SPEF2: variants seen among roughly 807,000 people sequenced by gnomAD.
SPEF2 encodes sperm flagellar and cilia associated 2, also known as sperm flagella and cilia-associated protein 2.
A neutral mutation model predicts 224.6 loss-of-function variants in SPEF2; 187 were observed. That is an observed-to-expected ratio of 0.83 (90% CI 0.74 to 0.94). The LOEUF (loss-of-function observed/expected upper bound fraction) is 0.94, where lower values mean the gene tolerates loss of function less well. Among genes scored for constraint, SPEF2 ranks in the 40% least tolerant of loss-of-function variants. The pLI is 0.00. For missense variants in SPEF2, 2,170 were observed against 2,135.6 expected (o/e 1.02, Z -0.32); for synonymous variants, 715 against 707.3 (o/e 1.01, Z -0.17).
At chr5:35,764,595 G>A (rs988301068) in intron 26 of SPEF2, 4 of 455,998 alleles carry the variant, frequency 8.8e-6, no homozygotes, top group African/African-American at 8.0e-5. Context: ...AGCCTTCTTC[G>A]AGTTTCCATG....
chr5:35,768,777 C>A (rs753968010), intron 26 of SPEF2, among the ~76,000 whole-genome samples: 13 of 152,018 alleles, frequency 8.6e-5, no homozygotes, highest in Non-Finnish European at 1.6e-4. Context: ...CTTAAGGCAA[C>A]TTTGAATTTC....
At chr5:35,773,785 A>C in intron 27 of SPEF2, 108 bp from the exon 28 acceptor site, 1 of 1,272,712 alleles carries the variant, frequency 7.9e-7, no homozygotes, top group Non-Finnish European at 1.0e-6. Flanking sequence ...CCGAATCACT[A>C]GAGGTTTATA....
At chr5:35,710,009 T>G in intron 19 of SPEF2, 1 of 980,704 alleles carries the variant, frequency 1.0e-6, no homozygotes. Context: ...AAATTAAACT[T>G]ATTCATATTA....
chr5:35,629,013 T>G (rs1744680323), intron 2 of SPEF2, among the ~76,000 whole-genome samples: 1 of 152,110 alleles, frequency 6.6e-6, no homozygotes, highest in African/African-American at 2.4e-5. Context: ...GATATGGAAA[T>G]TGTTCCTTTC....
At chr5:35,725,895 TCC>T (rs1323321591) in intron 20 of SPEF2, among the ~76,000 whole-genome samples, 2 of 152,174 alleles carry the variant, frequency 1.3e-5, no homozygotes, top group African/African-American at 4.8e-5. Context: ...CATATGCTAA[TCC>T]ATAGATTATT....
intron 19 of SPEF2, 99 bp downstream of exon 19, chr5:35,709,220 A>G (rs1394746700): frequency 3.2e-6 from 5 of 1,542,034 alleles, no homozygotes; most frequent in South Asian, 1.3e-5. Flanking sequence ...ACTTTGGGCA[A>G]CTTCAATCAT....
chr5:35,779,385 G>A (rs1754018521), intron 30 of SPEF2, 39 bp downstream of exon 30: 1 of 1,502,684 alleles, frequency 6.7e-7, no homozygotes, highest in Non-Finnish European at 9.1e-7. Flanking sequence ...CACAAAAAAA[G>A]GTTAAGATTA....
chr5:35,657,732 A>G (rs1240118854), intron 7 of SPEF2, among the ~76,000 whole-genome samples: 2 of 152,154 alleles, frequency 1.3e-5, no homozygotes. Flanking sequence ...AAGTGTATTC[A>G]AACTGGGAAC....
At chr5:35,692,423 C>G in intron 11 of SPEF2, 147 bp from the exon 12 acceptor site, 1 of 645,762 alleles carries the variant, frequency 1.5e-6, no homozygotes, top group Non-Finnish European at 2.6e-6. Flanking sequence ...ACAAAACAAA[C>G]CAAACAAAAC....
intron 21 of SPEF2, among the ~76,000 whole-genome samples, chr5:35,728,905 A>T (rs73086208): frequency 0.018 from 2,703 of 152,124 alleles, 87 homozygotes; most frequent in African/African-American, 0.062. Flanking sequence ...AAAACTTACC[A>T]TAGAAGCAAG....
chr5:35,675,830 G>A (rs1751922854), intron 10 of SPEF2: 3 of 441,360 alleles, frequency 6.8e-6, no homozygotes, highest in Non-Finnish European at 9.2e-6. Context: ...CCCTAGGTCC[G>A]TGGTTACCAA....
chr5:35,697,993 T>G, intron 15 of SPEF2, 200 bp downstream of exon 15: 1 of 414,588 alleles, frequency 2.4e-6, no homozygotes, highest in South Asian at 3.7e-5. Context: ...ATACCAAGCT[T>G]GACTTCTTTT....
At chr5:35,671,325 A>C in intron 10 of SPEF2, 1 of 956,976 alleles carries the variant, frequency 1.0e-6, no homozygotes, top group South Asian at 4.8e-5. Context: ...ATATGAGATT[A>C]TGAGAAATTA....
intron 28 of SPEF2, 139 bp downstream of exon 28, chr5:35,774,160 AGTTGACTGTTTTC>A: frequency 8.3e-7 from 1 of 1,207,848 alleles, no homozygotes; most frequent in Non-Finnish European, 1.1e-6. Context: ...CACAATATTC[AGTTGACTGTTTTC>A]GTTTGACCAC....
At chr5:35,629,817 C>T (rs1744828544) in intron 2 of SPEF2, among the ~76,000 whole-genome samples, 1 of 152,198 alleles carries the variant, frequency 6.6e-6, no homozygotes, top group South Asian at 2.1e-4. Flanking sequence ...TTGTGACTGG[C>T]TTCTTCACTT....
In SPEF2 at chr5:35,776,260, T is replaced by A; in HGVS notation, c.4082T>A (p.Ile1361Lys). The A allele has an allele frequency of 6.2e-7, 1 of 1,603,706 alleles. No homozygotes were observed. Among genetic ancestry groups the A allele is most frequent in the Admixed American group, 1.8e-5 (1 of 56,400 alleles). The change falls in exon 29 of 37, where the codon ATA becomes AAA. Residue 1361 changes from isoleucine to lysine, a missense_variant. Transcript: ENST00000356031. ...EHLAALQFEEIATQFRLELIK... is the reference protein window; with the variant it reads ...EHLAALQFEEKATQFRLELIK... The stretch of plus-strand genomic sequence containing the variant: ...TCTTATTTCTCTTTGCAAATAGAAA[T>A]AGCCACGCAATTTCGACTTGAACTG...
chr5:35,711,544 C>T (rs1473038396), intron 19 of SPEF2, among the ~76,000 whole-genome samples: 1 of 151,970 alleles, frequency 6.6e-6, no homozygotes. Flanking sequence ...AATAATACTA[C>T]CTATACTTCT....
intron 23 of SPEF2, among the ~76,000 whole-genome samples, chr5:35,741,356 G>C (rs1747609052): frequency 6.6e-6 from 1 of 152,202 alleles, no homozygotes; most frequent in Non-Finnish European, 1.5e-5. Context: ...TAAATATTTG[G>C]AGAAAGGGTG....
Position 35,763,726 on chromosome 5 carries a change from C to A in SPEF2, c.3801+24C>A, listed in dbSNP as rs749699129. The A allele has an allele frequency of 1.9e-6, 3 of 1,581,920 alleles. No homozygotes were observed. In the African/African-American group the frequency reaches 4.1e-5, roughly 22 times the overall value. On this transcript the variant is annotated intron_variant, in intron 26 of 36. Coordinates refer to ENST00000356031, the MANE Select transcript of SPEF2 (RefSeq NM_024867.4). ...TGGTAAGCAGTGCTCGTTATATTTT[C>A]TGTTAGTAATACACATTCATTAAGT...
Sources: gnomAD v4.1 joint callset for allele counts (sites outside exome capture counted in the v4.1 genomes callset) on GRCh38, gnomAD v4.1.1 for gene constraint, MANE v1.5 for transcripts, NCBI Gene and HGNC (gene_info 2026-07-23, HGNC 2026-07-21) for gene names.